PITRM1: variants seen among roughly 807,000 people sequenced by gnomAD.
The protein encoded by PITRM1 is presequence protease, mitochondrial.
In PITRM1, 100 loss-of-function variants were observed where a neutral mutation model predicts 129.9. The ratio of observed to expected loss-of-function variants is 0.77; its 90% CI spans 0.65 to 0.91. The LOEUF is 0.91. PITRM1 is among the 40% of genes least tolerant of loss of function. The pLI is 0.00. For synonymous variants in PITRM1, 591 were observed against 508.8 expected, an observed-to-expected ratio of 1.16 and a Z score of -2.17; for missense variants, 1,471 against 1,318.3, an observed-to-expected ratio of 1.12 and a Z score of -1.79.
At position 3,165,283 on chromosome 10, in the gene PITRM1, G is replaced by C; in HGVS notation, c.585C>G (p.Pro195=). 6.3e-7 allele frequency: 1 copy of C among 1,585,588 alleles called. No individual in the cohort carries two copies. Among genetic ancestry groups the C allele is most frequent in the Non-Finnish European group, 8.6e-7 (1 of 1,166,184 alleles). ...EHENPSDPQT[P]LVFKGVVFNE... ...TAAAGACGACTCCTTTAAAGACCAA[G>C]GGCGTCTGGGGGTCGCTCGGATTCT... Residue 195 remains proline (P), a synonymous_variant, in exon 6 of 27, where the codon CCC becomes CCG. Transcript: ENST00000224949.
intron 10 of PITRM1, among the ~76,000 whole-genome samples, chr10:3,158,594 C>G (rs1842167059): frequency 6.6e-6 from 1 of 152,130 alleles, no homozygotes. Context: ...TAAGAGACAA[C>G]AGCATGACAT....
chr10:3,143,345 C>T, intron 23 of PITRM1, 44 bp downstream of exon 23: 1 of 1,233,384 alleles, frequency 8.1e-7, no homozygotes. Flanking sequence ...ACAAGCTCTT[C>T]CGTAAGGCTC....
rs1169466948 is a variant in PITRM1, at chr10:3,157,421, G to A, written c.1347+14C>T. The A allele has an allele frequency of 1.3e-6, 2 of 1,516,532 alleles. No individual in the cohort carries two copies. Among genetic ancestry groups the A allele is most frequent in the Admixed American group, 2.0e-5 (1 of 51,232 alleles). The allele number at this position is 1,516,532 out of a possible 1,614,324, so 93.9% of individuals were successfully genotyped here. The stretch of plus-strand genomic sequence containing the variant: ...ATTATAAAACAAAAACAAAATTGTT[G>A]AGAGATCACTTACTGATGTCAGCAT... On this transcript the variant is annotated intron_variant, in intron 12 of 26. Transcript: ENST00000224949.
chr10:3,160,326 A>C lies in PITRM1; in HGVS notation c.796T>G (p.Phe266Val), dbSNP rs1842342243. The part of the protein sequence containing the change: ...THYHPSNARF[F>V]TYGNFPLEQH... ...TCTAATGGAAAATTACCGTACGTGA[A>C]GAACCTAAAATTTTAAGGGAATATA... The change falls in exon 8 of 27, where the codon TTC (phenylalanine) becomes GTC (valine). Residue 266 changes from phenylalanine to valine, a missense_variant. Physicochemically the swap from Phe to Val is conservative, Grantham distance 50. Transcript: ENST00000224949. The C allele has an allele frequency of 1.2e-6, 2 of 1,609,524 alleles. No individual in the cohort carries two copies. The highest frequency in any genetic ancestry group is 1.7e-6 in the Non-Finnish European group (2 of 1,175,800).
intron 18 of PITRM1, 103 bp from the exon 19 acceptor site, chr10:3,147,840 G>T: frequency 8.0e-7 from 1 of 1,251,386 alleles, no homozygotes; most frequent in Non-Finnish European, 1.1e-6. Context: ...AACAACCAAA[G>T]AAATTTTATA....
chr10:3,163,863 G>A lies in PITRM1; in HGVS notation c.653C>T (p.Ser218Phe), dbSNP rs1484405353. ...GAFTDNERIF[S>F]QHLQNRLLPD... ...AAGAAGTCTGTTCTGAAGGTGCTGG[G>A]AGAATATCCTCTCATTGTCTGTCTT... Residue 218 changes from serine to phenylalanine, a missense_variant, in exon 7 of 27, where the codon TCC becomes TTC. Physicochemically the swap from Ser to Phe is radical, Grantham distance 155. Coordinates refer to ENST00000224949, the MANE Select transcript of PITRM1 (RefSeq NM_014889.4). The A allele has an allele frequency of 1.9e-6, 3 of 1,606,560 alleles. No individual in the cohort carries two copies. Among genetic ancestry groups the A allele is most frequent in the Non-Finnish European group, 2.6e-6 (3 of 1,176,412 alleles).
chr10:3,149,729 C>A lies in PITRM1; in HGVS notation c.1763G>T (p.Cys588Phe). The A allele has an allele frequency of 6.2e-7, 1 of 1,612,966 alleles. No individual in the cohort carries two copies. ...LTAGDIPVQY[C>F]AQPTNGMVYF... The stretch of plus-strand genomic sequence containing the variant: ...CACCATGCCATTGGTGGGCTGGGCG[C>A]AGTACTGAACAGGGATATCTCCAGC... The change falls in exon 16 of 27, where the codon TGC becomes TTC. Residue 588 changes from cysteine to phenylalanine, a missense_variant. Cys to Phe is a radical substitution (Grantham distance 205). Transcript: ENST00000224949.
intron 3 of PITRM1, among the ~76,000 whole-genome samples, chr10:3,166,690 C>A (rs1449918693): frequency 6.6e-6 from 1 of 152,208 alleles, no homozygotes; most frequent in Non-Finnish European, 1.5e-5. Context: ...AACCCGCAGC[C>A]TGCAGCCCGC....
chr10:3,159,764 T>C, intron 9 of PITRM1, 84 bp downstream of exon 9: 1 of 763,132 alleles, frequency 1.3e-6, no homozygotes, highest in African/African-American at 1.7e-5. Context: ...TAACATTCAA[T>C]TGTAGAACTC....
At chr10:3,162,829 A>G (rs1842560621) in intron 7 of PITRM1, among the ~76,000 whole-genome samples, 1 of 152,262 alleles carries the variant, frequency 6.6e-6, no homozygotes, top group Non-Finnish European at 1.5e-5. Context: ...GGTGCCCAGG[A>G]GAAACCCGGG....
intron 12 of PITRM1, 58 bp downstream of exon 12, chr10:3,157,377 G>T: frequency 1.9e-6 from 2 of 1,039,398 alleles, no homozygotes; most frequent in Non-Finnish European, 2.8e-6. Context: ...AGTTAAGCTA[G>T]TAACAAGACA....
In PITRM1 at chr10:3,159,052, A is replaced by G. The variant is rs1223274156; in HGVS notation, c.1008-10T>C. ...AAATGTGTCGGTGATGCTGCATTGA[A>G]AAAAAAAGGAACGGGGAGGTAAGAA... On this transcript the variant is annotated splice_polypyrimidine_tract_variant and intron_variant, in intron 9 of 26. Transcript: ENST00000224949. 2 of 1,601,970 alleles carry G rather than the reference A, an allele frequency of 1.2e-6. No individual in the cohort carries two copies. Among genetic ancestry groups the G allele is most frequent in the South Asian group, 1.1e-5 (1 of 88,558 alleles).
intron 1 of PITRM1, among the ~76,000 whole-genome samples, chr10:3,170,912 G>A (rs1447089177): frequency 6.6e-6 from 1 of 151,812 alleles, no homozygotes; most frequent in African/African-American, 2.4e-5. Flanking sequence ...GCAGTGGGCC[G>A]AGATCACGCC....
intron 20 of PITRM1, 38 bp from the exon 21 acceptor site, chr10:3,145,754 G>GA: frequency 2.8e-6 from 4 of 1,445,698 alleles, no homozygotes; most frequent in Non-Finnish European, 3.8e-6. Context: ...ACCACTGTTA[G>GA]AAAAAACAGT....
rs1564399939 is a variant in PITRM1, at chr10:3,148,007, T to C, written c.2049A>G (p.Leu683=). The C allele has an allele frequency of 2.5e-6, 4 of 1,612,744 alleles. No homozygotes were observed. Among genetic ancestry groups the C allele is most frequent in the Non-Finnish European group, 2.5e-6 (3 of 1,178,766 alleles). ...GTTACTTGTTAAATATTTCACTCCA[T>C]AGCTGCATCATGTCTGGCAGGTTTC... ...LDRNLPDMMQ[L]WSEIFNNPCF... is the part of the protein sequence containing the mutation. Residue 683 remains leucine (L), a synonymous_variant, in exon 18 of 27, where the codon CTA becomes CTG. Coordinates refer to ENST00000224949, the MANE Select transcript of PITRM1 (RefSeq NM_014889.4).
chr10:3,140,555 G>A, intron 24 of PITRM1, 132 bp downstream of exon 24: 1 of 782,450 alleles, frequency 1.3e-6, no homozygotes, highest in Non-Finnish European at 2.0e-6. Context: ...AAGTGCCCAA[G>A]GAGTGAAAAG....
intron 14 of PITRM1, among the ~76,000 whole-genome samples, chr10:3,153,031 T>G (rs368137425): frequency 6.6e-6 from 1 of 152,256 alleles, no homozygotes; most frequent in African/African-American, 2.4e-5. Flanking sequence ...TCCCCTTTTC[T>G]GCATTGTTGT....
intron 19 of PITRM1, 60 bp downstream of exon 19, chr10:3,147,512 T>C (rs2132395369): frequency 6.6e-7 from 1 of 1,517,358 alleles, no homozygotes; most frequent in Non-Finnish European, 9.1e-7. Flanking sequence ...CCAAAGAAAT[T>C]AGTAACTCTG....
chr10:3,170,981 G>C lies in PITRM1; in HGVS notation c.57-775C>G, dbSNP rs1027771172. 5.9e-5 allele frequency among the ~76,000 whole-genome samples: 9 copies of C among 151,498 alleles called. No individual in the cohort carries two copies. The East Asian group carries it at 1.8e-3, about 30-fold the overall frequency. On this transcript the variant is annotated intron_variant, in intron 1 of 26. Transcript: ENST00000224949. ...GTCGGAAAAAAAAGAAAAAAATGCT[G>C]AAGATTGGAAATCCATTCACCTCTT...
Sources: allele counts gnomAD v4.1 joint callset (sites outside exome capture counted in the v4.1 genomes callset), GRCh38; gene constraint gnomAD v4.1.1; transcripts MANE v1.5; gene names NCBI Gene and HGNC (gene_info 2026-07-23, HGNC 2026-07-21).